Variants in P4HA1 observed in about 807,000 individuals in gnomAD.
P4HA1 encodes prolyl 4-hydroxylase subunit alpha-1.
In P4HA1, 24 loss-of-function variants were observed where a neutral mutation model predicts 72.8. The observed-to-expected ratio is 0.33, with a 90% CI of 0.24 to 0.46. The LOEUF (loss-of-function observed/expected upper bound fraction) is 0.46. Among genes scored for constraint, P4HA1 ranks in the 20% least tolerant of loss-of-function variants. The pLI, the probability that P4HA1 is intolerant of heterozygous loss-of-function variation, is 1.00. For synonymous variants in P4HA1, 201 were observed against 218.8 expected (o/e 0.92, Z 0.72); for missense variants, 446 against 640.6 (o/e 0.70, Z 3.28).
At chr10:73,073,099 G>A (rs1049238860) in intron 3 of P4HA1, among the ~76,000 whole-genome samples, 3 of 150,548 alleles carry the variant, frequency 2.0e-5, no homozygotes, top group East Asian at 2.0e-4. Context: ...GAACCTGGAA[G>A]GTGGAGGTTG....
intron 9 of P4HA1, among the ~76,000 whole-genome samples, chr10:73,034,350 C>T (rs947876727): frequency 1.2e-4 from 18 of 152,184 alleles, no homozygotes; most frequent in South Asian, 6.2e-4. Context: ...GTGTTAAGTA[C>T]ATTTACAATA....
chr10:73,093,133 A>G (rs1040684844), intron 1 of P4HA1, among the ~76,000 whole-genome samples: 3 of 151,972 alleles, frequency 2.0e-5, no homozygotes, highest in Admixed American at 2.0e-4. Flanking sequence ...AAAAAAAAAA[A>G]AAAAGAGAGA....
At chr10:73,090,595 A>T (rs1052221251) in intron 1 of P4HA1, among the ~76,000 whole-genome samples, 1 of 152,236 alleles carries the variant, frequency 6.6e-6, no homozygotes, top group African/African-American at 2.4e-5. Flanking sequence ...ATATCAGTTT[A>T]TTCAATTTAT....
At chr10:73,093,885 TATATATATATATATATATATATACAC>T (rs1842102279) in intron 1 of P4HA1, among the ~76,000 whole-genome samples, 1 of 70,086 alleles carries the variant, frequency 1.4e-5, no homozygotes, top group Non-Finnish European at 2.6e-5. Context: ...TATATATATA[TATATATATATATATATATATATACAC>T]ACACACACAC....
At chr10:73,037,774 A>T (rs1274179569) in intron 9 of P4HA1, among the ~76,000 whole-genome samples, 1 of 150,656 alleles carries the variant, frequency 6.6e-6, no homozygotes, top group Non-Finnish European at 1.5e-5. Flanking sequence ...CATTTCAGTT[A>T]TCTCAGTCTG....
chr10:73,047,247 T>C, intron 7 of P4HA1, 146 bp from the exon 8 acceptor site: 2 of 647,294 alleles, frequency 3.1e-6, no homozygotes, highest in South Asian at 2.1e-5. Flanking sequence ...ACTCTGCAAA[T>C]ATTTTGCCTC....
At chr10:73,091,656 T>A (rs1203150850) in intron 1 of P4HA1, among the ~76,000 whole-genome samples, 1 of 152,216 alleles carries the variant, frequency 6.6e-6, no homozygotes, top group Non-Finnish European at 1.5e-5. Flanking sequence ...TTTAATTTTA[T>A]GACTTGTATG....
intron 9 of P4HA1, among the ~76,000 whole-genome samples, chr10:73,044,381 A>G (rs1840806153): frequency 6.6e-6 from 1 of 152,224 alleles, no homozygotes. Flanking sequence ...GTAAAAGGCA[A>G]CTAAGTTTAC....
intron 9 of P4HA1, among the ~76,000 whole-genome samples, chr10:73,035,896 T>C (rs1180977334): frequency 2.6e-5 from 4 of 152,148 alleles, no homozygotes; most frequent in Admixed American, 2.6e-4. Flanking sequence ...TGTTATATCA[T>C]AACATATCTC....
chr10:73,021,753 A>C (rs1840140817), intron 10 of P4HA1, among the ~76,000 whole-genome samples: 1 of 152,236 alleles, frequency 6.6e-6, no homozygotes, highest in African/African-American at 2.4e-5. Flanking sequence ...AAGCCATGAC[A>C]GACTGTACCT....
chr10:73,076,985 C>T (rs12571459), intron 1 of P4HA1, among the ~76,000 whole-genome samples: 24,357 of 152,206 alleles, frequency 0.16, 3,235 homozygotes, highest in African/African-American at 0.34. Context: ...GAAGTACTCC[C>T]TAGTCTCCTC....
At chr10:73,093,652 G>A (rs1842083230) in intron 1 of P4HA1, among the ~76,000 whole-genome samples, 1 of 150,932 alleles carries the variant, frequency 6.6e-6, no homozygotes, top group South Asian at 2.1e-4. Context: ...GACCATCCTG[G>A]TTAACACGGT....
At chr10:73,043,997 C>A (rs763485535) in intron 9 of P4HA1, 1 of 1,510,282 alleles carries the variant, frequency 6.6e-7, no homozygotes, top group South Asian at 1.1e-5. Context: ...ACTCCAGTAG[C>A]AGGCAATTTT....
intron 7 of P4HA1, among the ~76,000 whole-genome samples, chr10:73,049,248 T>TGC (rs1840954911): frequency 6.6e-6 from 1 of 152,252 alleles, no homozygotes; most frequent in Non-Finnish European, 1.5e-5. Context: ...TTGTATACTT[T>TGC]GCTGTTAGTG....
At chr10:73,069,018 A>G (rs770232595) in intron 4 of P4HA1, 35 bp from the exon 5 acceptor site, 15 of 1,517,858 alleles carry the variant, frequency 9.9e-6, no homozygotes, top group Non-Finnish European at 1.4e-5. Context: ...AAAAAACTGT[A>G]GAACCTCATA....
intron 10 of P4HA1, among the ~76,000 whole-genome samples, chr10:73,029,644 T>A (rs938096242): frequency 1.3e-5 from 2 of 149,828 alleles, no homozygotes; most frequent in African/African-American, 4.9e-5. Context: ...TATGCTTAGT[T>A]TTTTTTTTTT....
chr10:73,061,743 G>A (rs1459524316), intron 5 of P4HA1, among the ~76,000 whole-genome samples: 3 of 151,830 alleles, frequency 2.0e-5, no homozygotes, highest in African/African-American at 7.3e-5. Flanking sequence ...TCTAGCCTGA[G>A]CAATAAAGTG....
chr10:73,057,269 T>C (rs964166828), intron 5 of P4HA1, among the ~76,000 whole-genome samples: 1 of 151,716 alleles, frequency 6.6e-6, no homozygotes, highest in African/African-American at 2.4e-5. Flanking sequence ...AGCAGGCAGA[T>C]CATGAGGTCA....
intron 10 of P4HA1, among the ~76,000 whole-genome samples, chr10:73,019,730 GAAA>G (rs3066045): frequency 7.7e-5 from 5 of 65,224 alleles, no homozygotes; most frequent in Admixed American, 2.6e-4. Flanking sequence ...CTCTGTCTCA[GAAA>G]AAAAAAAAAA....
Sources: allele counts gnomAD v4.1 joint callset (sites outside exome capture counted in the v4.1 genomes callset), GRCh38; gene constraint gnomAD v4.1.1; transcripts MANE v1.5; gene names NCBI Gene and HGNC (gene_info 2026-07-23, HGNC 2026-07-21).